RARB: variants seen among roughly 807,000 people sequenced by gnomAD.
RARB encodes the protein HBV-activated protein.
RARB carries 17 observed loss-of-function variants against 51.9 expected under a neutral mutation model. The observed-to-expected ratio is 0.33, with a 90% CI of 0.22 to 0.49. The LOEUF (loss-of-function observed/expected upper bound fraction) is 0.49, where lower values mean the gene tolerates loss of function less well. Ranked by LOEUF, RARB falls within the 20% of genes least tolerant of loss-of-function variation. The probability of loss-of-function intolerance (pLI) is 0.99; values close to 1 mark genes in which losing one functional copy is unlikely to be tolerated. For synonymous variants in RARB, 215 were observed against 195.4 expected (o/e 1.10, Z -0.84); for missense variants, 369 against 550.8 (o/e 0.67, Z 3.30).
At chr3:25,380,868 A>T (rs753116802) in intron 5 of RARB, among the ~76,000 whole-genome samples, 6 of 152,044 alleles carry the variant, frequency 3.9e-5, no homozygotes, top group Non-Finnish European at 8.8e-5. Context: ...TCTCAGTATG[A>T]CATCTACTTG....
chr3:25,446,383 T>C (rs1440822047), intron 1 of RARB, among the ~76,000 whole-genome samples: 1 of 152,244 alleles, frequency 6.6e-6, no homozygotes, highest in African/African-American at 2.4e-5. Flanking sequence ...ACATTTACAT[T>C]TTGTCTGTGA....
At chr3:25,531,393 TAGATA>T (rs1698906471) in intron 3 of RARB, among the ~76,000 whole-genome samples, 1 of 38,858 alleles carries the variant, frequency 2.6e-5, no homozygotes, top group East Asian at 7.6e-4. Context: ...GATAGGTAGA[TAGATA>T]GATAGATAGA....
At position 25,397,293 on chromosome 3, in the gene RARB, T is replaced by C. The variant is rs992062600; in HGVS notation, c.179-63900T>C. On this transcript the variant is annotated intron_variant, in intron 5 of 11. Transcript: ENST00000383772. Reference sequence around the variant, plus strand: ...TGACTTCTAGGTAAGGTTAAATCCTTCTCCCATGATCTGGATTTTCAGGTT... The same window carrying C: ...TGACTTCTAGGTAAGGTTAAATCCTCCTCCCATGATCTGGATTTTCAGGTT... Among the ~76,000 whole-genome samples the C allele has an allele frequency of 6.8e-4, 103 of 152,152 alleles. 1 individual carries two copies. The highest frequency in any genetic ancestry group is 1.8e-4 in the Non-Finnish European group (12 of 68,030).
At chr3:24,860,956 G>A (rs549350056) in intron 2 of RARB, among the ~76,000 whole-genome samples, 8 of 152,208 alleles carry the variant, frequency 5.3e-5, no homozygotes, top group South Asian at 4.1e-4. Context: ...GCCTAGGTTC[G>A]TATATTTTGT....
At chr3:25,013,102 C>T (rs1488391216) in intron 2 of RARB, among the ~76,000 whole-genome samples, 1 of 152,074 alleles carries the variant, frequency 6.6e-6, no homozygotes, top group Non-Finnish European at 1.5e-5. Context: ...TGGTTCTGCT[C>T]AAGTTCTAGT....
At chr3:24,961,853 T>C (rs1167598143) in intron 2 of RARB, among the ~76,000 whole-genome samples, 1 of 152,084 alleles carries the variant, frequency 6.6e-6, no homozygotes, top group Non-Finnish European at 1.5e-5. Context: ...CAAAGCATTT[T>C]GGTTTTCTTA....
At position 25,367,829 on chromosome 3, in the gene RARB, A is replaced by AC. The variant is rs1273247893; in HGVS notation, c.179-93364_179-93363insC. 9.4e-5 allele frequency among the ~76,000 whole-genome samples: 14 copies of AC among 149,324 alleles called. 2 individuals are homozygous for AC. The East Asian group carries it at 9.8e-4, about 10-fold the overall frequency. ...AAAAAAAAACAAGCAAAAAAAAAAC[A>AC]AAAACAAAACAAAAGAAATATGGCT... On this transcript the variant is annotated intron_variant, in intron 5 of 11. Transcript: ENST00000383772.
intron 3 of RARB, among the ~76,000 whole-genome samples, chr3:25,060,562 G>A (rs977179298): frequency 6.6e-6 from 1 of 151,818 alleles, no homozygotes; most frequent in Non-Finnish European, 1.5e-5. Context: ...TAAACAAATG[G>A]TGTGACTACA....
chr3:25,398,856 T>A (rs945103003), intron 5 of RARB, among the ~76,000 whole-genome samples: 2 of 152,248 alleles, frequency 1.3e-5, no homozygotes, highest in African/African-American at 4.8e-5. Flanking sequence ...ATATATTTTA[T>A]GTCTGTACGC....
intron 5 of RARB, among the ~76,000 whole-genome samples, chr3:25,338,249 G>T (rs1705124197): frequency 6.6e-6 from 1 of 152,070 alleles, no homozygotes; most frequent in Non-Finnish European, 1.5e-5. Context: ...AGCCTCTTTT[G>T]CAGCAGGCAT....
chr3:25,052,100 C>T (rs963065322), intron 2 of RARB, among the ~76,000 whole-genome samples: 3 of 152,206 alleles, frequency 2.0e-5, no homozygotes, highest in Non-Finnish European at 4.4e-5. Context: ...AAAAGGTCCT[C>T]ATACCCATTT....
intron 1 of RARB, among the ~76,000 whole-genome samples, chr3:25,451,754 T>TA (rs1183564596): frequency 2.0e-5 from 3 of 152,226 alleles, no homozygotes; most frequent in Non-Finnish European, 2.9e-5. Flanking sequence ...TTCAAATAGA[T>TA]ATATAGTACA....
intron 2 of RARB, among the ~76,000 whole-genome samples, chr3:24,920,250 A>G (rs147194094): frequency 4.6e-5 from 7 of 152,310 alleles, no homozygotes; most frequent in East Asian, 1.9e-4. Context: ...TCTATCCCCA[A>G]TTAGGGCCAA....
chr3:25,213,072 T>A (rs908236915), intron 5 of RARB, among the ~76,000 whole-genome samples: 1 of 152,108 alleles, frequency 6.6e-6, no homozygotes. Flanking sequence ...CACAACAGTA[T>A]TTTTTTAACT....
At chr3:24,910,085 A>G (rs1005560706) in intron 2 of RARB, among the ~76,000 whole-genome samples, 7 of 152,178 alleles carry the variant, frequency 4.6e-5, no homozygotes, top group African/African-American at 1.4e-4. Flanking sequence ...ATAAATCTGA[A>G]TCTTTCTATC....
chr3:25,441,415 A>G (rs1708677360), intron 1 of RARB: 2 of 199,460 alleles, frequency 1.0e-5, no homozygotes, highest in South Asian at 1.6e-4. Flanking sequence ...GGCCTGTAAC[A>G]ATGAGGTTTC....
intron 1 of RARB, among the ~76,000 whole-genome samples, chr3:25,458,823 C>G (rs573618124): frequency 5.3e-5 from 8 of 152,076 alleles, no homozygotes; most frequent in African/African-American, 1.9e-4. Flanking sequence ...TAATTAATTA[C>G]TTTTTTAAGG....
rs190252315 is a variant in RARB at position 25,576,882 on chromosome 3, C to A, written c.610-3664C>A. On this transcript the variant is annotated intron_variant, in intron 4 of 7. Transcript: ENST00000330688. ...TGTTGGGGGCCTTCTCCTCTCTTCT[C>A]TTCTGTTGGGGGCAGACGTTCCCGA... Among the ~76,000 whole-genome samples the A allele has an allele frequency of 1.5e-3, 230 of 152,306 alleles. 4 individuals carry two copies. The highest frequency in any genetic ancestry group is 4.1e-4 in the Non-Finnish European group (28 of 68,016).
At chr3:24,859,900 A>G (rs1218162538) in intron 2 of RARB, among the ~76,000 whole-genome samples, 1 of 152,154 alleles carries the variant, frequency 6.6e-6, no homozygotes, top group Non-Finnish European at 1.5e-5. Flanking sequence ...ATTCTATATT[A>G]TTCTCAGGTG....
Sources: gnomAD v4.1 joint callset for allele counts (sites outside exome capture counted in the v4.1 genomes callset) on GRCh38, gnomAD v4.1.1 for gene constraint, MANE v1.5 for transcripts, NCBI Gene and HGNC (gene_info 2026-07-23, HGNC 2026-07-21) for gene names.